RBMS3: variants seen among roughly 807,000 people sequenced by gnomAD.
RBMS3 encodes the protein RNA-binding motif, single-stranded-interacting protein 3.
Under a neutral mutation model 66.8 loss-of-function variants are expected in RBMS3, and 27 were observed. The observed-to-expected ratio is 0.40, with a 90% confidence interval of 0.30 to 0.56. The LOEUF is 0.56. Ranked by LOEUF, RBMS3 falls within the 20% of genes least tolerant of loss-of-function variation. The probability of loss-of-function intolerance (pLI) is 0.40; values close to 1 mark genes in which losing one functional copy is unlikely to be tolerated. For synonymous variants in RBMS3, 188 were observed against 183.0 expected (o/e 1.03, Z -0.22); for missense variants, 513 against 549.5 (o/e 0.93, Z 0.66).
chr3:29,896,467 A>C (rs1403888959), intron 8 of RBMS3, among the ~76,000 whole-genome samples: 2 of 151,512 alleles, frequency 1.3e-5, no homozygotes, highest in African/African-American at 4.8e-5. Context: ...ACCTATCCTC[A>C]CATCGCTGAC....
intron 4 of RBMS3, among the ~76,000 whole-genome samples, chr3:29,687,242 A>T (rs1030362349): frequency 3.9e-5 from 6 of 152,356 alleles, no homozygotes; most frequent in African/African-American, 1.4e-4. Context: ...ACATAAAAGG[A>T]TTGTTCCAAT....
At chr3:29,547,409 TC>T (rs2045999402) in intron 3 of RBMS3, among the ~76,000 whole-genome samples, 1 of 152,102 alleles carries the variant, frequency 6.6e-6, no homozygotes, top group African/African-American at 2.4e-5. Context: ...TTCAGAAAGA[TC>T]CTGAGCAGCT....
chr3:29,920,772 G>C (rs1265656324), intron 10 of RBMS3, among the ~76,000 whole-genome samples: 3 of 148,978 alleles, frequency 2.0e-5, no homozygotes, highest in African/African-American at 7.5e-5. Context: ...TCAGGAGATC[G>C]AGACCATCCT....
intron 5 of RBMS3, among the ~76,000 whole-genome samples, chr3:29,762,642 A>G (rs2055742109): frequency 6.6e-6 from 1 of 152,148 alleles, no homozygotes; most frequent in Non-Finnish European, 1.5e-5. Context: ...GGGTGAATTA[A>G]GATAATGCCG....
At chr3:29,488,549 T>A in intron 3 of RBMS3, 50 bp downstream of exon 3, 7 of 1,509,160 alleles carry the variant, frequency 4.6e-6, no homozygotes, top group Non-Finnish European at 6.4e-6. Flanking sequence ...GCTATCTGAT[T>A]AATGGTTCTT....
chr3:29,448,067 A>G (rs1287556548), intron 2 of RBMS3, among the ~76,000 whole-genome samples: 1 of 152,248 alleles, frequency 6.6e-6, no homozygotes, highest in East Asian at 1.9e-4. Flanking sequence ...ATCATGGGAC[A>G]AACAAGAGAC....
intron 4 of RBMS3, among the ~76,000 whole-genome samples, chr3:29,732,796 C>G (rs2054191398): frequency 6.6e-6 from 1 of 152,026 alleles, no homozygotes. Context: ...TTAAAAAAAT[C>G]TTGCTCCCTT....
rs559016119 is a variant in RBMS3, at chr3:29,405,227, A to T, written c.76-29516A>T. Among the ~76,000 whole-genome samples, 4 of 152,282 alleles carry T rather than the reference A, an allele frequency of 2.6e-5. No homozygotes were observed. The South Asian group carries it at 8.3e-4, about 32-fold the overall frequency. ...GGAAACTTTTATGTTCTCTCTGAGA[A>T]TCCAAGAGAATCAAAACTTTCTCTG... On this transcript the variant is annotated intron_variant, in intron 1 of 14. Coordinates refer to ENST00000383767, the MANE Select transcript of RBMS3 (RefSeq NM_001003793.3).
intron 4 of RBMS3, among the ~76,000 whole-genome samples, chr3:29,716,700 T>C (rs965751649): frequency 5.9e-5 from 9 of 152,144 alleles, no homozygotes; most frequent in African/African-American, 2.2e-4. Flanking sequence ...GTTTCCGGTT[T>C]TGCTCAAGTA....
chr3:29,432,653 C>T (rs79232836), intron 1 of RBMS3, among the ~76,000 whole-genome samples: 406 of 152,246 alleles, frequency 2.7e-3, no homozygotes, highest in African/African-American at 9.2e-3. Context: ...TCCCTGCTCT[C>T]AGGAAACACA....
At chr3:29,535,872 TAGTTA>T (rs992618728) in intron 3 of RBMS3, among the ~76,000 whole-genome samples, 2 of 151,968 alleles carry the variant, frequency 1.3e-5, no homozygotes, top group African/African-American at 4.8e-5. Flanking sequence ...TCCCATTTAC[TAGTTA>T]AGTGATTTAT....
At chr3:29,514,324 C>T (rs1463423846) in intron 3 of RBMS3, among the ~76,000 whole-genome samples, 1 of 152,060 alleles carries the variant, frequency 6.6e-6, no homozygotes, top group African/African-American at 2.4e-5. Flanking sequence ...CCTAAAGCTA[C>T]TCAGACTTCC....
At chr3:29,882,716 C>G (rs2059765488) in intron 7 of RBMS3, among the ~76,000 whole-genome samples, 1 of 152,000 alleles carries the variant, frequency 6.6e-6, no homozygotes, top group Non-Finnish European at 1.5e-5. Context: ...ATTTTCATGT[C>G]AATTATAAGC....
At chr3:29,948,626 G>A (rs1695477357) in intron 12 of RBMS3, among the ~76,000 whole-genome samples, 1 of 151,780 alleles carries the variant, frequency 6.6e-6, no homozygotes, top group Admixed American at 6.6e-5. Context: ...CCATTAAATT[G>A]TTTTTATTGT....
chr3:29,565,355 T>A (rs1050117563), intron 3 of RBMS3, among the ~76,000 whole-genome samples: 1 of 152,176 alleles, frequency 6.6e-6, no homozygotes, highest in Admixed American at 6.6e-5. Flanking sequence ...TTTTTGTGTG[T>A]TTGAAAACAT....
At chr3:29,793,139 G>A (rs2057068137) in intron 6 of RBMS3, among the ~76,000 whole-genome samples, 1 of 151,898 alleles carries the variant, frequency 6.6e-6, no homozygotes, top group Admixed American at 6.6e-5. Flanking sequence ...GCTGAGGCAG[G>A]AGAATTGCTT....
chr3:29,688,317 T>C (rs982053737), intron 4 of RBMS3, among the ~76,000 whole-genome samples: 2 of 152,068 alleles, frequency 1.3e-5, no homozygotes, highest in Middle Eastern at 3.2e-3. Context: ...AAAATACTTA[T>C]CGCAAGTTGA....
chr3:29,312,676 CTCTG>C (rs1228725352), intron 1 of RBMS3, among the ~76,000 whole-genome samples: 2 of 151,418 alleles, frequency 1.3e-5, no homozygotes, highest in African/African-American at 4.8e-5. Context: ...CCTTTTCTCT[CTCTG>C]TCTTCTTTTC....
At chr3:29,434,703 T>C in intron 1 of RBMS3, 40 bp from the exon 2 acceptor site, 2 of 1,590,994 alleles carry the variant, frequency 1.3e-6, no homozygotes, top group Non-Finnish European at 1.7e-6. Context: ...GAATAGGTGC[T>C]GGCTTTTGTT....
Sources: gnomAD v4.1 joint callset for allele counts (sites outside exome capture counted in the v4.1 genomes callset) on GRCh38, gnomAD v4.1.1 for gene constraint, MANE v1.5 for transcripts, NCBI Gene and HGNC (gene_info 2026-07-23, HGNC 2026-07-21) for gene names.